The following PLCZ1 variants were observed in gnomAD, a reference collection of about 807,000 sequenced individuals.
PLCZ1 encodes 1-phosphatidylinositol 4,5-bisphosphate phosphodiesterase zeta-1.
Under a neutral mutation model 76.8 loss-of-function variants are expected in PLCZ1, and 64 were observed. The observed-to-expected ratio is 0.83, with a 90% confidence interval of 0.68 to 1.03. The LOEUF (loss-of-function observed/expected upper bound fraction) is 1.03, where lower values mean the gene tolerates loss of function less well. Ranked by LOEUF, PLCZ1 falls within the 50% of genes least tolerant of loss-of-function variation. The pLI, the probability that PLCZ1 is intolerant of heterozygous loss-of-function variation, is 0.00. For synonymous variants in PLCZ1, 248 were observed against 230.8 expected (o/e 1.07, Z -0.68); for missense variants, 751 against 713.7 (o/e 1.05, Z -0.60).
chr12:18,672,512 T>G, the PLCZ1 span, among the ~76,000 whole-genome samples: 2 of 152,340 alleles, frequency 1.3e-5, no homozygotes, highest in East Asian at 3.9e-4. Context: ...AATAAATTTG[T>G]GTTGTTTAAT....
intron 13 of PLCZ1, among the ~76,000 whole-genome samples, chr12:18,684,759 T>A (rs1426641487): frequency 6.6e-6 from 1 of 151,982 alleles, no homozygotes; most frequent in Non-Finnish European, 1.5e-5. Flanking sequence ...CTTGATATGG[T>A]TAAGCTTTGT....
chr12:18,727,975 T>C (rs558953477), intron 3 of PLCZ1, among the ~76,000 whole-genome samples: 2 of 151,696 alleles, frequency 1.3e-5, no homozygotes, highest in South Asian at 4.2e-4. Context: ...AGAAGAAGAG[T>C]CTGAAAACCT....
chr12:18,668,385 G>T, the PLCZ1 span, among the ~76,000 whole-genome samples: 1 of 152,258 alleles, frequency 6.6e-6, no homozygotes. Context: ...GTGATTAAGG[G>T]AAAATTTGTA....
chr12:18,671,812 T>C, the PLCZ1 span, among the ~76,000 whole-genome samples: 1 of 152,268 alleles, frequency 6.6e-6, no homozygotes, highest in Middle Eastern at 3.4e-3. Flanking sequence ...CTACAAACAA[T>C]AGAAATTGAT....
At chr12:18,709,295 T>G (rs2137375391) in intron 6 of PLCZ1, among the ~76,000 whole-genome samples, 1 of 152,286 alleles carries the variant, frequency 6.6e-6, no homozygotes, top group East Asian at 1.9e-4. Context: ...TTTGTCTTCT[T>G]GGTCTCCTTG....
intron 12 of PLCZ1, 128 bp from the exon 13 acceptor site, chr12:18,688,346 T>G: frequency 1.1e-6 from 1 of 906,064 alleles, no homozygotes; most frequent in Non-Finnish European, 1.6e-6. Context: ...ACATTGAAAG[T>G]GGAATACAAT....
intron 3 of PLCZ1, among the ~76,000 whole-genome samples, chr12:18,729,173 A>C (rs1383036215): frequency 6.6e-6 from 1 of 152,014 alleles, no homozygotes; most frequent in African/African-American, 2.4e-5. Context: ...TCTGGCTATA[A>C]CTGTCATTTG....
At chr12:18,683,584 C>T in intron 14 of PLCZ1, 1 of 1,457,046 alleles carries the variant, frequency 6.9e-7, no homozygotes, top group Non-Finnish European at 9.1e-7. Context: ...AAATTAGCCA[C>T]CACCCTTCTG....
intron 6 of PLCZ1, among the ~76,000 whole-genome samples, 166 bp from the exon 7 acceptor site, chr12:18,705,481 G>A (rs549674683): frequency 1.3e-5 from 2 of 152,062 alleles, no homozygotes; most frequent in Non-Finnish European, 2.9e-5. Flanking sequence ...GCAAAACAGA[G>A]ACCATTAAAT....
intron 9 of PLCZ1, among the ~76,000 whole-genome samples, chr12:18,700,512 C>CAGAAAAAAA (rs1955739243): frequency 1.5e-5 from 1 of 67,896 alleles, no homozygotes. Context: ...AGCCAACGTA[C>CAGAAAAAAA]AAAAAAAAAA....
Position 18,714,285 on chromosome 12 carries a change from A to G in PLCZ1, c.570-1299T>C, listed in dbSNP as rs183860472. Among the ~76,000 whole-genome samples the G allele has an allele frequency of 9.8e-5, 15 of 152,352 alleles. No homozygotes were observed. In the East Asian group the frequency reaches 2.9e-3, roughly 29 times the overall value. On this transcript the variant is annotated intron_variant, in intron 5 of 14. Coordinates refer to ENST00000266505, the MANE Select transcript of PLCZ1 (RefSeq NM_033123.4). ...CTATTACCTATGAACCTGGCCTGAC[A>G]TGGAGCTAATATGTGCCAACCACAG...
At chr12:18,727,116 T>G (rs1958797951) in intron 3 of PLCZ1, among the ~76,000 whole-genome samples, 1 of 151,532 alleles carries the variant, frequency 6.6e-6, no homozygotes, top group Non-Finnish European at 1.5e-5. Flanking sequence ...GAAGTCAAGG[T>G]GGGAGGAGCA....
chr12:18,662,741 A>G, the PLCZ1 span, among the ~76,000 whole-genome samples: 1 of 152,144 alleles, frequency 6.6e-6, no homozygotes, highest in Non-Finnish European at 1.5e-5. Flanking sequence ...AAGGAGCAGA[A>G]TCTCATATGT....
At position 18,712,734 on chromosome 12, in the gene PLCZ1, A is replaced by G. The variant is rs183157045; in HGVS notation, c.714+108T>C. 14 of 1,360,954 alleles carry G rather than the reference A, an allele frequency of 1.0e-5. No individual in the cohort carries two copies. In the African/African-American group the frequency reaches 1.6e-4, roughly 15 times the overall value. The allele number at this position is 1,360,954 out of a possible 1,614,324, so 84.3% of individuals were successfully genotyped here. A position where few individuals can be genotyped will look rare whatever the true frequency, so the allele number is the denominator to read the frequency against. On this transcript the variant is annotated intron_variant, in intron 6 of 14. Coordinates refer to ENST00000266505, the MANE Select transcript of PLCZ1 (RefSeq NM_033123.4). ...GCCTACTAATGGATCATAACCCACA[A>G]TTTGAAATATCATCTAAAGTAAGGC... is the stretch of plus-strand genomic sequence containing the variant.
In PLCZ1 at chr12:18,684,161, T is replaced by G; in HGVS notation, c.1710A>C (p.Gln570His). The G allele has an allele frequency of 1.2e-6, 2 of 1,612,038 alleles. No individual in the cohort carries two copies. The highest frequency in any genetic ancestry group is 1.7e-6 in the Non-Finnish European group (2 of 1,178,798). Residue 570 changes from glutamine to histidine, a missense_variant, in exon 14 of 15, where the codon CAA becomes CAC. Physicochemically the swap from Gln to His is conservative, Grantham distance 24 (BLOSUM62 0). Coordinates refer to ENST00000266505, the MANE Select transcript of PLCZ1 (RefSeq NM_033123.4). Reference protein sequence around the residue: ...GLIAGNEFLGQYTLPLLCMNK... With the variant: ...GLIAGNEFLGHYTLPLLCMNK... ...TCATGCATAGAAGTGGCAAAGTATA[T>G]TGCCCAAGAAATTCATTTCCTGCTA... is the stretch of plus-strand genomic sequence containing the variant.
chr12:18,700,113 C>CA (rs771462172), intron 9 of PLCZ1, among the ~76,000 whole-genome samples, 163 bp from the exon 10 acceptor site: 38 of 151,582 alleles, frequency 2.5e-4, no homozygotes, highest in Non-Finnish European at 4.6e-4. Flanking sequence ...TTTTTGGGAA[C>CA]AAAAAAATAT....
chr12:18,686,337 A>G (rs1953148892), intron 13 of PLCZ1, among the ~76,000 whole-genome samples: 1 of 152,094 alleles, frequency 6.6e-6, no homozygotes, highest in Non-Finnish European at 1.5e-5. Context: ...TCTAGAAAAA[A>G]GAAAGTTCCT....
chr12:18,685,732 C>A, intron 13 of PLCZ1: 3 of 477,006 alleles, frequency 6.3e-6, no homozygotes, highest in South Asian at 1.5e-5. Context: ...TGCAAAACAT[C>A]TGCAGAAATG....
At chr12:18,694,866 TA>T in intron 12 of PLCZ1, 43 bp downstream of exon 12, 1 of 1,436,104 alleles carries the variant, frequency 7.0e-7, no homozygotes, top group South Asian at 1.2e-5. Flanking sequence ...CTATCTAGTT[TA>T]TATAATAACC....
Sources: gnomAD v4.1 joint callset for allele counts (sites outside exome capture counted in the v4.1 genomes callset) on GRCh38, gnomAD v4.1.1 for gene constraint, MANE v1.5 for transcripts, NCBI Gene and HGNC (gene_info 2026-07-23, HGNC 2026-07-21) for gene names.